TULP3: variants seen among roughly 807,000 people sequenced by gnomAD.
TULP3 encodes the protein TUB like protein 3.
In TULP3, 38 loss-of-function variants were observed where a neutral mutation model predicts 50.7. The ratio of observed to expected loss-of-function variants is 0.75; its 90% CI spans 0.58 to 0.98. The LOEUF (loss-of-function observed/expected upper bound fraction) is 0.98, where lower values mean the gene tolerates loss of function less well. TULP3 is among the 50% of genes least tolerant of loss of function. The pLI, the probability that TULP3 is intolerant of heterozygous loss-of-function variation, is 0.00. For synonymous variants in TULP3, 183 were observed against 196.6 expected, an observed-to-expected ratio of 0.93 and a Z score of 0.58; for missense variants, 550 against 568.0, an observed-to-expected ratio of 0.97 and a Z score of 0.32.
intron 1 of TULP3, among the ~76,000 whole-genome samples, chr12:2,892,518 CT>C (rs1264281123): frequency 5.3e-5 from 8 of 149,654 alleles, no homozygotes; most frequent in African/African-American, 1.2e-4. Flanking sequence ...CTTTTCCTTC[CT>C]TTTTTTTTTC....
intron 1 of TULP3, among the ~76,000 whole-genome samples, chr12:2,903,479 T>C (rs1276802108): frequency 6.6e-6 from 1 of 151,302 alleles, no homozygotes; most frequent in African/African-American, 2.4e-5. Context: ...GGAGAATTGC[T>C]TGAACCCGGG....
intron 2 of TULP3, among the ~76,000 whole-genome samples, chr12:2,914,322 C>G (rs2098187400): frequency 6.6e-6 from 1 of 151,912 alleles, no homozygotes; most frequent in South Asian, 2.1e-4. Flanking sequence ...CAGGGTTTCT[C>G]CATGTTGGTT....
intron 1 of TULP3, among the ~76,000 whole-genome samples, chr12:2,898,299 C>T (rs1347993660): frequency 6.6e-6 from 1 of 152,042 alleles, no homozygotes; most frequent in Admixed American, 6.6e-5. Flanking sequence ...TTAGTTTGAA[C>T]TAATATAGGC....
rs546351964 is a variant in TULP3, at chr12:2,938,103, C to T, written c.1024-11C>T. 3 of 1,613,856 alleles carry T rather than the reference C, an allele frequency of 1.9e-6. No homozygotes were observed. Among genetic ancestry groups the T allele is most frequent in the Non-Finnish European group, 2.5e-6 (3 of 1,179,976 alleles). ...TTCTCAGTACAAAGTAATGATTTTCCCTTTGGACAGAACCATGACAGTTTG... is the reference window on the plus strand; with the variant it reads ...TTCTCAGTACAAAGTAATGATTTTCTCTTTGGACAGAACCATGACAGTTTG... On this transcript the variant is annotated splice_polypyrimidine_tract_variant and intron_variant, in intron 9 of 10. Coordinates refer to ENST00000448120, the MANE Select transcript of TULP3 (RefSeq NM_003324.5).
At position 2,940,452 on chromosome 12, in the gene TULP3, A is replaced by AGGTGTTT; in HGVS notation, c.*1009_*1015dup. On this transcript the variant is annotated 3_prime_UTR_variant, in exon 11 of 11. Transcript: ENST00000448120. Reference sequence around the variant, plus strand: ...CCCTCAACCCTGGCTCAGGCACAGAAGGTGTTTTGCTACGTTTTTTTGATT... The same window carrying AGGTGTTT: ...CCCTCAACCCTGGCTCAGGCACAGAAGGTGTTTGGTGTTTTGCTACGTTTTTTTGATT... The AGGTGTTT allele has an allele frequency of 6.7e-7, 1 of 1,482,462 alleles. No homozygotes were observed. Among genetic ancestry groups the AGGTGTTT allele is most frequent in the Non-Finnish European group, 9.0e-7 (1 of 1,114,386 alleles). The allele number at this position is 1,482,462 out of a possible 1,614,324, so 91.8% of individuals were successfully genotyped here. A position where few individuals can be genotyped will look rare whatever the true frequency, so the allele number is the denominator to read the frequency against.
At chr12:2,919,494 A>T (rs1481589141) in intron 2 of TULP3, among the ~76,000 whole-genome samples, 1 of 152,146 alleles carries the variant, frequency 6.6e-6, no homozygotes, top group Non-Finnish European at 1.5e-5. Flanking sequence ...CACCCCTTGG[A>T]GTGACTCTTC....
chr12:2,907,055 C>G (rs1184232284), intron 1 of TULP3, among the ~76,000 whole-genome samples: 1 of 151,326 alleles, frequency 6.6e-6, no homozygotes, highest in African/African-American at 2.4e-5. Context: ...TACTGATACA[C>G]GGCCAGGTGC....
intron 2 of TULP3, among the ~76,000 whole-genome samples, chr12:2,910,111 T>A (rs534171277): frequency 6.6e-6 from 1 of 152,230 alleles, no homozygotes; most frequent in Admixed American, 6.5e-5. Context: ...ACTAACACGG[T>A]GAAACCCAGT....
intron 5 of TULP3, among the ~76,000 whole-genome samples, chr12:2,930,577 T>C (rs1019889041): frequency 6.6e-6 from 1 of 152,032 alleles, no homozygotes; most frequent in Non-Finnish European, 1.5e-5. Flanking sequence ...GCGCCCGCCA[T>C]GACACCCGGC....
Position 2,939,170 on chromosome 12 carries a change from G to A in TULP3, c.1196-141G>A. ...GAGCCTGGGACGGGAGGTCAAGGCT[G>A]CAGTGAGCTGTGGTCATTCCACTAG... On this transcript the variant is annotated intron_variant, in intron 10 of 10. Transcript: ENST00000448120. This position sits in a 1 kb window ranked among gnomAD's most constrained non-coding sequence, Gnocchi z 4.0. The A allele has an allele frequency of 2.2e-6, 2 of 897,388 alleles. No homozygotes were observed. Among genetic ancestry groups the A allele is most frequent in the East Asian group, 2.6e-5 (1 of 39,126 alleles). 55.6% of individuals were successfully genotyped at this position (897,388 alleles called of 1,614,324 possible). A position where few individuals can be genotyped will look rare whatever the true frequency, so the allele number is the denominator to read the frequency against.
intron 1 of TULP3, among the ~76,000 whole-genome samples, chr12:2,894,570 C>T (rs2098174349): frequency 2.0e-5 from 3 of 150,960 alleles, no homozygotes; most frequent in African/African-American, 7.3e-5. Context: ...CACACACGCA[C>T]GCACACAAAA....
intron 1 of TULP3, among the ~76,000 whole-genome samples, chr12:2,899,564 T>C (rs1366383614): frequency 1.3e-5 from 2 of 151,992 alleles, no homozygotes; most frequent in African/African-American, 4.8e-5. Context: ...CGTTACCTTA[T>C]GGAATAAAAC....
rs764784084 is a variant in TULP3, at chr12:2,922,384, G to A, written c.376G>A (p.Glu126Lys). 2 of 1,613,366 alleles carry A rather than the reference G, an allele frequency of 1.2e-6. No individual in the cohort carries two copies. Among genetic ancestry groups the A allele is most frequent in the South Asian group, 1.1e-5 (1 of 90,918 alleles). Residue 126 changes from glutamate (E) to lysine (K), a missense_variant, in exon 4 of 11, where the codon GAG becomes AAG. Glu to Lys is a moderately conservative substitution (Grantham distance 56). Coordinates refer to ENST00000448120, the MANE Select transcript of TULP3 (RefSeq NM_003324.5). ...TACTGCTTCCAAGCCAGGACTTCAG[G>A]AGCGTCTCCAAAAGCATGGTGAGGA... is the stretch of plus-strand genomic sequence containing the variant. ...VDTASKPGLQ[E>K]RLQKHDISES...
In TULP3 at chr12:2,890,973, G is replaced by C; in HGVS notation, c.26G>C (p.Ser9Thr). 1 of 1,596,766 alleles carries C rather than the reference G, an allele frequency of 6.3e-7. No homozygotes were observed. Among genetic ancestry groups the C allele is most frequent in the Non-Finnish European group, 8.5e-7 (1 of 1,172,276 alleles). MEASRCRL[S>T]PSGDSVFHEE... is the part of the protein sequence containing the mutation. ...ATGGAGGCTTCGCGCTGCCGGCTCA[G>C]TCCCAGCGGCGACAGGTCAGACAGG... The change falls in exon 1 of 11, where the codon AGT becomes ACT. Residue 9 changes from serine (S) to threonine (T), a missense_variant. Transcript: ENST00000448120.
At chr12:2,923,517 G>A (rs768204911) in intron 4 of TULP3, among the ~76,000 whole-genome samples, 1 of 152,020 alleles carries the variant, frequency 6.6e-6, no homozygotes, top group Non-Finnish European at 1.5e-5. Context: ...AAGCATGGTG[G>A]TGGGTGCCTA....
chr12:2,937,637 A>C lies in TULP3; in HGVS notation c.931A>C (p.Asn311His). 1 of 1,610,404 alleles carries C rather than the reference A, an allele frequency of 6.2e-7. No individual in the cohort carries two copies. The highest frequency in any genetic ancestry group is 8.5e-7 in the Non-Finnish European group (1 of 1,178,008). The stretch of plus-strand genomic sequence containing the variant: ...TTGTTTTCCTATCTTCCAGGAAACA[A>C]ACGTACTTGGATTTAAAGGTCCTAG... ...QELAAISYETNVLGFKGPRKM... is the reference protein window; with the variant it reads ...QELAAISYETHVLGFKGPRKM... The change falls in exon 9 of 11, where the codon AAC (asparagine) becomes CAC (histidine). Residue 311 changes from asparagine (N) to histidine (H), a missense_variant. Coordinates refer to ENST00000448120, the MANE Select transcript of TULP3 (RefSeq NM_003324.5).
chr12:2,896,721 A>G (rs2098175760), intron 1 of TULP3, among the ~76,000 whole-genome samples: 1 of 152,180 alleles, frequency 6.6e-6, no homozygotes, highest in Admixed American at 6.5e-5. Context: ...AGGTGCTATA[A>G]TCTCATTTTA....
chr12:2,909,278 G>A (rs2300785), intron 1 of TULP3, among the ~76,000 whole-genome samples: 72,667 of 151,934 alleles, frequency 0.48, 17,849 homozygotes, highest in African/African-American at 0.6. Flanking sequence ...CCCTGCATGC[G>A]TGGGGTCTGT....
chr12:2,922,337 A>G lies in TULP3; in HGVS notation c.329A>G (p.Glu110Gly). 1.2e-6 allele frequency: 2 copies of G among 1,614,194 alleles called. No individual in the cohort carries two copies. The highest frequency in any genetic ancestry group is 1.7e-6 in the Non-Finnish European group (2 of 1,180,038). Residue 110 changes from glutamate to glycine, a missense_variant, in exon 4 of 11, where the codon GAA (glutamate) becomes GGA (glycine). Coordinates refer to ENST00000448120, the MANE Select transcript of TULP3 (RefSeq NM_003324.5). ...TCAGTAAGCTCCTCTGTTGTGGAAG[A>G]AGATGCTGAAAACACCGTGGATACT... Reference protein sequence around the residue: ...APSVSSSVVEEDAENTVDTAS... With the variant: ...APSVSSSVVEGDAENTVDTAS...
Sources: allele counts gnomAD v4.1 joint callset (sites outside exome capture counted in the v4.1 genomes callset), GRCh38; gene constraint gnomAD v4.1.1; non-coding constraint Gnocchi (gnomAD v3.1); transcripts MANE v1.5; gene names NCBI Gene and HGNC (gene_info 2026-07-23, HGNC 2026-07-21).